Variants in LINGO2 observed in about 807,000 individuals in gnomAD.
The protein encoded by LINGO2 is leucine-rich repeat and immunoglobulin-like domain-containing nogo receptor-interacting protein 2.
Under a neutral mutation model 30.6 loss-of-function variants are expected in LINGO2, and 14 were observed. The ratio of observed to expected loss-of-function variants is 0.46; its 90% CI spans 0.30 to 0.72. LINGO2 has a LOEUF of 0.72. LINGO2 is among the 30% of genes least tolerant of loss of function. The pLI, the probability that LINGO2 is intolerant of heterozygous loss-of-function variation, is 0.07. For synonymous variants in LINGO2, 317 were observed against 288.5 expected, an observed-to-expected ratio of 1.10 and a Z score of -1.00; for missense variants, 729 against 751.7, an observed-to-expected ratio of 0.97 and a Z score of 0.35.
At chr9:28,745,846 A>G in the LINGO2 span, among the ~76,000 whole-genome samples, 3 of 152,070 alleles carry the variant, frequency 2.0e-5, no homozygotes, top group Non-Finnish European at 4.4e-5. Flanking sequence ...ATATCATTTC[A>G]TAGCGGTATC....
intron 4 of LINGO2, among the ~76,000 whole-genome samples, chr9:28,168,386 G>T (rs571996468): frequency 6.6e-6 from 1 of 152,252 alleles, no homozygotes; most frequent in East Asian, 1.9e-4. Context: ...GCAACAGGAA[G>T]GCTTCTTCAG....
intron 4 of LINGO2, among the ~76,000 whole-genome samples, chr9:28,189,203 T>C (rs1045674925): frequency 7.4e-5 from 11 of 148,670 alleles, no homozygotes; most frequent in Non-Finnish European, 1.5e-4. Context: ...ATCTTTTTTT[T>C]CTACCATATT....
At chr9:28,172,259 C>T (rs376989184) in intron 4 of LINGO2, among the ~76,000 whole-genome samples, 23 of 148,550 alleles carry the variant, frequency 1.5e-4, no homozygotes, top group Non-Finnish European at 2.7e-4. Context: ...GGCGTAGTGG[C>T]GGGCGCCTGT....
At chr9:28,713,086 G>T in the LINGO2 span, among the ~76,000 whole-genome samples, 3 of 151,972 alleles carry the variant, frequency 2.0e-5, no homozygotes, top group Non-Finnish European at 2.9e-5. Flanking sequence ...GGCTGGTCTT[G>T]AACTCCTGAC....
intron 4 of LINGO2, among the ~76,000 whole-genome samples, chr9:28,090,933 GA>G (rs1826063251): frequency 6.6e-6 from 1 of 152,114 alleles, no homozygotes. Context: ...GACAAACAGA[GA>G]GCCAAATCAT....
chr9:28,941,195 G>T, the LINGO2 span, among the ~76,000 whole-genome samples: 3 of 152,118 alleles, frequency 2.0e-5, no homozygotes, highest in Admixed American at 2.0e-4. Context: ...GAAAGCTACA[G>T]AAAAACTTAG....
intron 3 of LINGO2, among the ~76,000 whole-genome samples, chr9:28,335,656 T>C (rs1587486294): frequency 6.6e-6 from 1 of 152,124 alleles, no homozygotes; most frequent in Non-Finnish European, 1.5e-5. Context: ...AAACAACATA[T>C]GCCAACAGTC....
chr9:28,387,643 C>A (rs777073485), intron 2 of LINGO2, among the ~76,000 whole-genome samples: 82 of 152,198 alleles, frequency 5.4e-4, no homozygotes, highest in Non-Finnish European at 9.6e-4. Flanking sequence ...ACGAACCCAT[C>A]AGGAGGAATG....
In LINGO2 at chr9:28,267,482, G is replaced by A. The variant is rs919721929; in HGVS notation, c.-87+27726C>T. Among the ~76,000 whole-genome samples the A allele has an allele frequency of 2.8e-4, 42 of 152,006 alleles. 1 individual carries two copies. The highest frequency in any genetic ancestry group is 9.2e-4 in the African/African-American group (38 of 41,502). ...TCTCTGGAATTTGCTACAGCTACCC[G>A]TCTAGTAACATTCCTCCTGTACTTT... is the stretch of plus-strand genomic sequence containing the variant. On this transcript the variant is annotated intron_variant, in intron 4 of 5. Transcript: ENST00000379992.
intron 4 of LINGO2, among the ~76,000 whole-genome samples, chr9:28,203,779 G>A (rs1040245369): frequency 2.2e-4 from 33 of 152,236 alleles, no homozygotes; most frequent in African/African-American, 7.7e-4. Context: ...GAAACTAAGA[G>A]CACTAGGCCT....
chr9:29,011,712 CTA>C, the LINGO2 span, among the ~76,000 whole-genome samples: 1 of 152,120 alleles, frequency 6.6e-6, no homozygotes, highest in Non-Finnish European at 1.5e-5. Flanking sequence ...CATTGACATA[CTA>C]TGTTTCCTGG....
chr9:27,999,899 A>C (rs1821862586), intron 5 of LINGO2, among the ~76,000 whole-genome samples: 2 of 152,156 alleles, frequency 1.3e-5, no homozygotes, highest in African/African-American at 4.8e-5. Context: ...GCACCAACCT[A>C]ATAAAAGGCA....
chr9:29,194,623 T>G, the LINGO2 span, among the ~76,000 whole-genome samples: 12 of 152,112 alleles, frequency 7.9e-5, no homozygotes, highest in Non-Finnish European at 1.5e-4. Context: ...GGTCAAATAT[T>G]CCGAACACTT....
rs568196846 is a variant in LINGO2, at chr9:28,492,803, T to C, written c.-364-16778A>G. Among the ~76,000 whole-genome samples, 6 of 151,990 alleles carry C rather than the reference T, an allele frequency of 3.9e-5. No homozygotes were observed. The South Asian group carries it at 1.0e-3, about 26-fold the overall frequency. ...GTCCTGGAGGGAAGAAGTCAATAAA[T>C]GCAGAACTGCAAAGGACTCCTAAAA... On this transcript the variant is annotated intron_variant, in intron 1 of 5. Coordinates refer to ENST00000379992, the Ensembl canonical transcript of LINGO2.
At chr9:28,118,247 T>TA (rs1826991921) in intron 4 of LINGO2, among the ~76,000 whole-genome samples, 1 of 151,900 alleles carries the variant, frequency 6.6e-6, no homozygotes, top group South Asian at 2.1e-4. Flanking sequence ...AAATAAAAAT[T>TA]AGAGTCCAGA....
chr9:29,076,830 G>C, the LINGO2 span, among the ~76,000 whole-genome samples: 3 of 151,660 alleles, frequency 2.0e-5, no homozygotes, highest in Non-Finnish European at 4.4e-5. Flanking sequence ...GAGGTAATAA[G>C]GATAGGCAAT....
chr9:28,001,317 G>C (rs1821939966), intron 5 of LINGO2, among the ~76,000 whole-genome samples: 1 of 152,140 alleles, frequency 6.6e-6, no homozygotes, highest in African/African-American at 2.4e-5. Context: ...GGGATCCACA[G>C]AGCATTCCTG....
At chr9:28,705,073 C>T in the LINGO2 span, among the ~76,000 whole-genome samples, 12 of 151,978 alleles carry the variant, frequency 7.9e-5, no homozygotes, top group Non-Finnish European at 1.2e-4. Flanking sequence ...CACCACCATG[C>T]CTGGCTAATT....
At chr9:28,766,827 A>AGAGG in the LINGO2 span, among the ~76,000 whole-genome samples, 1 of 51,060 alleles carries the variant, frequency 2.0e-5, no homozygotes, top group Non-Finnish European at 4.3e-5. Flanking sequence ...AGAGAGAGAG[A>AGAGG]GAAGGAGAGA....
Sources: gnomAD v4.1 joint callset for allele counts (sites outside exome capture counted in the v4.1 genomes callset) on GRCh38, gnomAD v4.1.1 for gene constraint, MANE v1.5 for transcripts, NCBI Gene and HGNC (gene_info 2026-07-23, HGNC 2026-07-21) for gene names.